COP1: variants seen among roughly 807,000 people sequenced by gnomAD.
COP1 encodes the protein E3 ubiquitin-protein ligase COP1.
Under a neutral mutation model 101.3 loss-of-function variants are expected in COP1, and 24 were observed. The observed-to-expected ratio is 0.24, with a 90% CI of 0.17 to 0.33. The LOEUF is 0.33. Ranked by LOEUF, COP1 falls within the 10% of genes least tolerant of loss-of-function variation. COP1 has a pLI of 1.00. For synonymous variants in COP1, 347 were observed against 341.9 expected (o/e 1.01, Z -0.17); for missense variants, 663 against 906.2 (o/e 0.73, Z 3.45).
At chr1:175,996,857 C>A (rs940532044) in intron 15 of COP1, among the ~76,000 whole-genome samples, 2 of 152,122 alleles carry the variant, frequency 1.3e-5, no homozygotes, top group Non-Finnish European at 2.9e-5. Flanking sequence ...CCATCCCCAT[C>A]AAGCTACCAA....
At chr1:176,035,698 A>G (rs2149121462) in intron 14 of COP1, among the ~76,000 whole-genome samples, 1 of 140,262 alleles carries the variant, frequency 7.1e-6, no homozygotes, top group African/African-American at 2.5e-5. Context: ...CTCATAATCA[A>G]TAAAACGAGA....
chr1:176,205,682 AG>A (rs1246732397), intron 1 of COP1, among the ~76,000 whole-genome samples: 1 of 152,246 alleles, frequency 6.6e-6, no homozygotes, highest in African/African-American at 2.4e-5. Context: ...AACACTCTCA[AG>A]CAAGACAATC....
intron 18 of COP1, among the ~76,000 whole-genome samples, chr1:175,950,606 T>C (rs753033380): frequency 7.2e-5 from 11 of 152,216 alleles, no homozygotes; most frequent in Non-Finnish European, 1.3e-4. Flanking sequence ...TATTTTTTAC[T>C]TGCTAAATAA....
At chr1:176,129,584 G>C (rs1309666975) in intron 8 of COP1, among the ~76,000 whole-genome samples, 1 of 151,692 alleles carries the variant, frequency 6.6e-6, no homozygotes, top group Non-Finnish European at 1.5e-5. Flanking sequence ...AGAAAAACAA[G>C]ACTTATTAGG....
In COP1 at chr1:176,132,567, GTATATATAC is replaced by G. The variant is rs766015902; in HGVS notation, c.968+2434_968+2442del. ...TATACACACATATACACATATGTAC[GTATATATAC>G]TATATATACACACATATACACATAT... On this transcript the variant is annotated intron_variant, in intron 8 of 19. Coordinates refer to ENST00000367669, the MANE Select transcript of COP1 (RefSeq NM_022457.7). Among the ~76,000 whole-genome samples the G allele has an allele frequency of 7.6e-3, 1,095 of 144,424 alleles. 18 individuals are homozygous for G. The highest frequency in any genetic ancestry group is 0.026 in the African/African-American group (1,020 of 38,978). The allele number at this position is 144,424 out of a possible 152,430, so 94.7% of individuals were successfully genotyped here. A position where few individuals can be genotyped will look rare whatever the true frequency, so the allele number is the denominator to read the frequency against.
rs7513863 is a variant in COP1, at chr1:176,173,338, A to C, written c.565+2572T>G. Among the ~76,000 whole-genome samples, 186 of 149,572 alleles carry C rather than the reference A, an allele frequency of 1.2e-3. 4 individuals carry two copies. The highest frequency in any genetic ancestry group is 4.5e-3 in the African/African-American group (179 of 40,138). Reference sequence around the variant, plus strand: ...AAAAACAAAATGAAAAAAAAAAAAAAAAAAAACCAGTAATTGGCCAGGCAC... The same window carrying C: ...AAAAACAAAATGAAAAAAAAAAAAACAAAAAACCAGTAATTGGCCAGGCAC... On this transcript the variant is annotated intron_variant, in intron 3 of 19. Coordinates refer to ENST00000367669, the MANE Select transcript of COP1 (RefSeq NM_022457.7).
At chr1:176,151,354 AAAGAAAGAAAG>A (rs1265012592) in intron 5 of COP1, among the ~76,000 whole-genome samples, 3 of 8,958 alleles carry the variant, frequency 3.3e-4, no homozygotes, top group African/African-American at 7.6e-4. Flanking sequence ...AAAGAAAGAA[AAAGAAAGAAAG>A]AAAGAAAGAA....
chr1:176,186,269 C>T (rs1377240174), intron 1 of COP1, among the ~76,000 whole-genome samples: 1 of 151,572 alleles, frequency 6.6e-6, no homozygotes, highest in Non-Finnish European at 1.5e-5. Flanking sequence ...TGCTAAGACA[C>T]AGAACACCTC....
rs1688074215 is a variant in COP1, at chr1:176,126,873, C to T, written c.968+8137G>A. Among the ~76,000 whole-genome samples the T allele has an allele frequency of 1.3e-5, 2 of 152,124 alleles. 1 individual carries two copies. Among genetic ancestry groups the T allele is most frequent in the Non-Finnish European group, 2.9e-5 (2 of 68,022 alleles). On this transcript the variant is annotated intron_variant, in intron 8 of 19. Transcript: ENST00000367669. ...TTTTATAGAAATCCTGAAATGCCTA[C>T]TAATTAATCATAATTACTACAGTTT...
At position 176,127,504 on chromosome 1, in the gene COP1, T is replaced by C. The variant is rs140546396; in HGVS notation, c.968+7506A>G. Among the ~76,000 whole-genome samples the C allele has an allele frequency of 4.5e-3, 683 of 152,224 alleles. 4 individuals carry two copies. The highest frequency in any genetic ancestry group is 7.5e-3 in the Non-Finnish European group (511 of 67,984). ...TAACATAATGTCATCTAGGTTCATC[T>C]GTGTTGGTGCAAATGACAGAACTTC... On this transcript the variant is annotated intron_variant, in intron 8 of 19. Transcript: ENST00000367669.
chr1:176,028,624 C>T (rs2149077696), intron 14 of COP1, among the ~76,000 whole-genome samples: 1 of 138,260 alleles, frequency 7.2e-6, no homozygotes, highest in African/African-American at 2.7e-5. Context: ...TCAGATGTAA[C>T]ACAGACCCAC....
intron 8 of COP1, among the ~76,000 whole-genome samples, chr1:176,131,331 G>C (rs527947593): frequency 6.3e-4 from 95 of 151,874 alleles, no homozygotes; most frequent in African/African-American, 1.9e-3. Flanking sequence ...CAGTAAAATA[G>C]GATATGACAA....
At chr1:176,016,432 C>A (rs1289735844) in intron 15 of COP1, among the ~76,000 whole-genome samples, 2 of 152,220 alleles carry the variant, frequency 1.3e-5, no homozygotes, top group South Asian at 2.1e-4. Context: ...GAAATAAGGG[C>A]TTGAATTTAG....
chr1:176,043,377 G>C, intron 13 of COP1, 110 bp from the exon 14 acceptor site: 2 of 653,874 alleles, frequency 3.1e-6, no homozygotes, highest in Non-Finnish European at 5.3e-6. Context: ...GAGAGGGAAA[G>C]ACAACAGGCT....
intron 10 of COP1, among the ~76,000 whole-genome samples, chr1:176,085,448 C>CT (rs1373082600): frequency 1.3e-5 from 2 of 152,118 alleles, no homozygotes; most frequent in East Asian, 3.9e-4. Context: ...GAGGACAGTG[C>CT]TTAGAACTTC....
At chr1:175,976,925 T>A (rs887143594) in intron 18 of COP1, among the ~76,000 whole-genome samples, 4 of 152,146 alleles carry the variant, frequency 2.6e-5, no homozygotes, top group Non-Finnish European at 4.4e-5. Flanking sequence ...CTCTTGTATC[T>A]CCTAAAACAA....
At chr1:176,037,785 CTTTAAATTGA>C (rs1373407522) in intron 14 of COP1, among the ~76,000 whole-genome samples, 44 of 152,268 alleles carry the variant, frequency 2.9e-4, no homozygotes, top group South Asian at 1.9e-3. Flanking sequence ...AAAAGAACGT[CTTTAAATTGA>C]CACAGGTGCC....
Position 175,945,066 on chromosome 1 carries a change from T to C in COP1, c.*87A>G, listed in dbSNP as rs1405044423. ...CCCATGATGACTTTGGGGAGAGACA[T>C]CACATGACATTTTCTGTTTCTTCTC... On this transcript the variant is annotated 3_prime_UTR_variant, in exon 20 of 20. Coordinates refer to ENST00000367669, the MANE Select transcript of COP1 (RefSeq NM_022457.7). The C allele has an allele frequency of 9.9e-7, 1 of 1,013,768 alleles. No homozygotes were observed. The highest frequency in any genetic ancestry group is 1.6e-5 in the African/African-American group (1 of 61,328). 62.8% of individuals were successfully genotyped at this position (1,013,768 alleles called of 1,614,324 possible).
At position 175,946,580 on chromosome 1, in the gene COP1, A is replaced by G. The variant is rs115932362; in HGVS notation, c.2178+615T>C. Among the ~76,000 whole-genome samples the G allele has an allele frequency of 7.3e-3, 1,110 of 152,322 alleles. 6 individuals carry two copies. The highest frequency in any genetic ancestry group is 0.01 in the Non-Finnish European group (698 of 68,024). ...TAGAAAGTTCACTGCTTATCTCAGG[A>G]TTTATTTATCCAATGTATCATGTAC... On this transcript the variant is annotated intron_variant, in intron 19 of 19. Transcript: ENST00000367669.
Sources: gnomAD v4.1 joint callset for allele counts (sites outside exome capture counted in the v4.1 genomes callset) on GRCh38, gnomAD v4.1.1 for gene constraint, MANE v1.5 for transcripts, NCBI Gene and HGNC (gene_info 2026-07-23, HGNC 2026-07-21) for gene names.